Variants in CCDC178 observed in about 807,000 individuals in gnomAD.
CCDC178 encodes the protein coiled-coil domain containing 178.
In CCDC178, 126 loss-of-function variants were observed where a neutral mutation model predicts 117.4. That is an observed-to-expected ratio of 1.07 (90% CI 0.93 to 1.24). The LOEUF (loss-of-function observed/expected upper bound fraction) is 1.24. CCDC178 is among the 50% of genes most tolerant of loss of function. The probability of loss-of-function intolerance (pLI) is 0.00; values close to 1 mark genes in which losing one functional copy is unlikely to be tolerated. For missense variants in CCDC178, 1,030 were observed against 986.9 expected (o/e 1.04, Z -0.59); for synonymous variants, 283 against 313.4 (o/e 0.90, Z 1.02).
rs561465930 is a variant in CCDC178 at position 33,225,463 on chromosome 18, T to C, written c.1657-527A>G. 2.0e-5 allele frequency among the ~76,000 whole-genome samples: 3 copies of C among 152,220 alleles called. No homozygotes were observed. In the South Asian group the frequency reaches 6.2e-4, roughly 32 times the overall value. ...GCGTGAGCCACCACACACTGCCGAA[T>C]GTAGTATATTTAAAGATAATACAGT... On this transcript the variant is annotated intron_variant, in intron 16 of 22. Transcript: ENST00000383096.
At chr18:33,248,763 A>G (rs1386826531) in intron 14 of CCDC178, among the ~76,000 whole-genome samples, 2 of 151,950 alleles carry the variant, frequency 1.3e-5, no homozygotes, top group Middle Eastern at 6.3e-3. Flanking sequence ...ATGATTTATA[A>G]TCCTTCAGGT....
At chr18:33,289,131 G>C (rs552432521) in intron 12 of CCDC178, among the ~76,000 whole-genome samples, 1 of 152,086 alleles carries the variant, frequency 6.6e-6, no homozygotes, top group East Asian at 1.9e-4. Context: ...TTTCAGCCTT[G>C]TCTATTTCTG....
At chr18:33,312,864 G>A (rs561862672) in intron 11 of CCDC178, among the ~76,000 whole-genome samples, 2 of 152,280 alleles carry the variant, frequency 1.3e-5, no homozygotes, top group African/African-American at 4.8e-5. Flanking sequence ...CCTTCCATCT[G>A]AAGATGGTCA....
At chr18:33,325,878 T>C (rs1442217253) in intron 10 of CCDC178, among the ~76,000 whole-genome samples, 1 of 152,226 alleles carries the variant, frequency 6.6e-6, no homozygotes, top group Non-Finnish European at 1.5e-5. Context: ...AGTTAAAGTG[T>C]ACAATTCAGT....
intron 5 of CCDC178, among the ~76,000 whole-genome samples, chr18:33,371,059 G>C (rs1192851103): frequency 6.6e-6 from 1 of 151,980 alleles, no homozygotes; most frequent in East Asian, 1.9e-4. Context: ...TGAGGGAACA[G>C]AGAAATAATC....
At chr18:33,234,127 T>G (rs1187412451) in intron 15 of CCDC178, among the ~76,000 whole-genome samples, 1 of 152,168 alleles carries the variant, frequency 6.6e-6, no homozygotes, top group African/African-American at 2.4e-5. Context: ...TTTATTTCTA[T>G]CACATTTTCA....
At chr18:33,255,586 C>T (rs930781363) in intron 14 of CCDC178, among the ~76,000 whole-genome samples, 7 of 151,892 alleles carry the variant, frequency 4.6e-5, no homozygotes, top group African/African-American at 9.7e-5. Context: ...TATAGAACAA[C>T]GCCCAAAACA....
At chr18:33,236,015 T>C (rs1397209989) in intron 15 of CCDC178, among the ~76,000 whole-genome samples, 1 of 152,180 alleles carries the variant, frequency 6.6e-6, no homozygotes, top group Non-Finnish European at 1.5e-5. Flanking sequence ...ACATACTTCT[T>C]GTTCAGGATT....
At chr18:33,040,714 A>T (rs986385056) in intron 21 of CCDC178, among the ~76,000 whole-genome samples, 2 of 152,008 alleles carry the variant, frequency 1.3e-5, no homozygotes, top group Non-Finnish European at 2.9e-5. Flanking sequence ...AAATGAACTC[A>T]AGGAAAAAAA....
chr18:33,100,622 T>C (rs1203727726), intron 20 of CCDC178, among the ~76,000 whole-genome samples: 1 of 151,992 alleles, frequency 6.6e-6, no homozygotes, highest in East Asian at 1.9e-4. Flanking sequence ...AGATATTTCA[T>C]ATAAGAGCTC....
intron 22 of CCDC178, among the ~76,000 whole-genome samples, chr18:32,950,870 C>A (rs2054467055): frequency 6.6e-6 from 1 of 152,144 alleles, no homozygotes; most frequent in Non-Finnish European, 1.5e-5. Context: ...ACTTCTATAG[C>A]TAATACCTTT....
intron 20 of CCDC178, among the ~76,000 whole-genome samples, chr18:33,132,997 C>T (rs1294023398): frequency 6.6e-6 from 1 of 151,680 alleles, no homozygotes; most frequent in African/African-American, 2.4e-5. Context: ...TTAAGTCTAA[C>T]CTTATTAAAA....
intron 12 of CCDC178, among the ~76,000 whole-genome samples, chr18:33,282,093 G>A (rs1203273216): frequency 6.6e-6 from 1 of 152,160 alleles, no homozygotes; most frequent in African/African-American, 2.4e-5. Context: ...TGGGAACCCT[G>A]CAAGGGCTAT....
intron 14 of CCDC178, among the ~76,000 whole-genome samples, chr18:33,245,838 C>T (rs2059543405): frequency 1.3e-5 from 2 of 151,822 alleles, no homozygotes; most frequent in South Asian, 4.1e-4. Context: ...TTCTCAACTT[C>T]GATATTATTA....
chr18:33,092,775 T>C lies in CCDC178; in HGVS notation c.2374A>G (p.Arg792Gly). ...AAAACCAATACCTGTTTCTTATCTCTAATTGAAGTATCAAGTGATAGCTGT... is the reference window on the plus strand; with the variant it reads ...AAAACCAATACCTGTTTCTTATCTCCAATTGAAGTATCAAGTGATAGCTGT... ...DKQLSLDTSI[R>G]DKKQLCQLQR... The change falls in exon 21 of 23, where the codon AGA becomes GGA. Residue 792 changes from arginine to glycine, a missense_variant. Coordinates refer to ENST00000383096, the MANE Select transcript of CCDC178 (RefSeq NM_001105528.4). The C allele has an allele frequency of 1.3e-6, 2 of 1,528,526 alleles. No homozygotes were observed. Among genetic ancestry groups the C allele is most frequent in the Non-Finnish European group, 1.8e-6 (2 of 1,118,128 alleles). 94.7% of individuals were successfully genotyped at this position (1,528,526 alleles called of 1,614,324 possible). A position where few individuals can be genotyped will look rare whatever the true frequency, so the allele number is the denominator to read the frequency against.
At chr18:33,198,832 C>T (rs1281584123) in intron 20 of CCDC178, among the ~76,000 whole-genome samples, 1 of 152,050 alleles carries the variant, frequency 6.6e-6, no homozygotes, top group East Asian at 1.9e-4. Context: ...TTAACACTGT[C>T]CCTCTTTCTT....
At chr18:33,247,561 CA>C (rs1271724631) in intron 14 of CCDC178, among the ~76,000 whole-genome samples, 1 of 151,880 alleles carries the variant, frequency 6.6e-6, no homozygotes, top group East Asian at 1.9e-4. Context: ...TCAAATAACA[CA>C]AAAAATATGG....
intron 2 of CCDC178, among the ~76,000 whole-genome samples, chr18:33,438,019 A>G (rs1319203336): frequency 1.3e-5 from 2 of 152,200 alleles, no homozygotes; most frequent in Non-Finnish European, 2.9e-5. Context: ...ATTTTTATGA[A>G]CATTGACTGA....
At chr18:33,278,307 A>G (rs1327443498) in intron 12 of CCDC178, among the ~76,000 whole-genome samples, 6 of 59,162 alleles carry the variant, frequency 1.0e-4, no homozygotes, top group African/African-American at 3.5e-4. Flanking sequence ...ATATATATAT[A>G]TATATATATT....
Sources: allele counts gnomAD v4.1 joint callset (sites outside exome capture counted in the v4.1 genomes callset), GRCh38; gene constraint gnomAD v4.1.1; transcripts MANE v1.5; gene names NCBI Gene and HGNC (gene_info 2026-07-23, HGNC 2026-07-21).